The following SV2C variants were observed in gnomAD, a reference collection of about 807,000 sequenced individuals.
The protein encoded by SV2C is synaptic vesicle glycoprotein 2C.
Under a neutral mutation model 79.7 loss-of-function variants are expected in SV2C, and 49 were observed. The ratio of observed to expected loss-of-function variants is 0.61; its 90% confidence interval spans 0.49 to 0.78. SV2C has a LOEUF of 0.78. Among genes scored for constraint, SV2C ranks in the 30% least tolerant of loss-of-function variants. The probability of loss-of-function intolerance (pLI) is 0.00; values close to 1 mark genes in which losing one functional copy is unlikely to be tolerated. For missense variants in SV2C, 833 were observed against 912.9 expected, an observed-to-expected ratio of 0.91 and a Z score of 1.13; for synonymous variants, 334 against 333.2, an observed-to-expected ratio of 1.00 and a Z score of -0.03.
chr5:75,855,088 A>G, the SV2C span, among the ~76,000 whole-genome samples: 2 of 152,130 alleles, frequency 1.3e-5, no homozygotes, highest in Non-Finnish European at 1.5e-5. Context: ...CTTTTAAAAC[A>G]TGGACTATTC....
chr5:76,105,395 T>G (rs1341835719), intron 1 of SV2C, among the ~76,000 whole-genome samples: 2 of 152,140 alleles, frequency 1.3e-5, no homozygotes, highest in African/African-American at 4.8e-5. Context: ...CATAGCCCTC[T>G]CACAGACACA....
In SV2C at chr5:76,331,569, TGACCC is replaced by T. The variant is rs1170127219; in HGVS notation, c.*6023_*6027del. 2.0e-5 allele frequency: 3 copies of T among 152,250 alleles called. No individual in the cohort carries two copies. The highest frequency in any genetic ancestry group is 4.4e-5 in the Non-Finnish European group (3 of 68,108). 9.4% of individuals were successfully genotyped at this position (152,250 alleles called of 1,614,324 possible). ...AGAGCAGAAAGAGGGTAGTTGTCAG[TGACCC>T]TCTACCCTCCTCTGAGAGCCCCATT... On this transcript the variant is annotated 3_prime_UTR_variant, in exon 13 of 13. Coordinates refer to ENST00000502798, the MANE Select transcript of SV2C (RefSeq NM_014979.4).
At chr5:76,324,983 A>G (rs939699544) in intron 12 of SV2C, among the ~76,000 whole-genome samples, 4 of 152,308 alleles carry the variant, frequency 2.6e-5, no homozygotes, top group South Asian at 4.1e-4. Flanking sequence ...TTACTATGCC[A>G]CTGCACTCCA....
At chr5:76,088,490 C>G (rs1747272263) in intron 1 of SV2C, among the ~76,000 whole-genome samples, 1 of 152,114 alleles carries the variant, frequency 6.6e-6, no homozygotes, top group Admixed American at 6.5e-5. Flanking sequence ...TCATAGATGT[C>G]CTCACACGGA....
chr5:76,170,684 TTAATC>T (rs1372410204), intron 2 of SV2C, among the ~76,000 whole-genome samples: 3 of 149,726 alleles, frequency 2.0e-5, no homozygotes, highest in Non-Finnish European at 3.0e-5. Flanking sequence ...GGCAACGTCT[TTAATC>T]TAAGACATTA....
chr5:76,261,464 A>G (rs567065338), intron 4 of SV2C, among the ~76,000 whole-genome samples: 4 of 152,192 alleles, frequency 2.6e-5, no homozygotes. Context: ...TTCTGGCCAG[A>G]ACTTCCAATT....
At chr5:75,890,915 G>T in the SV2C span, among the ~76,000 whole-genome samples, 665 of 152,046 alleles carry the variant, frequency 4.4e-3, 9 homozygotes, top group African/African-American at 0.014. Flanking sequence ...TTTGTTTCTG[G>T]TTGGCTGTAT....
chr5:76,254,206 GTA>G (rs1272142588), intron 4 of SV2C, among the ~76,000 whole-genome samples: 58 of 147,102 alleles, frequency 3.9e-4, no homozygotes, highest in African/African-American at 1.2e-3. Flanking sequence ...ATATATGTGT[GTA>G]TATATATGTG....
chr5:75,914,720 T>C, the SV2C span, among the ~76,000 whole-genome samples: 1 of 152,246 alleles, frequency 6.6e-6, no homozygotes, highest in Non-Finnish European at 1.5e-5. Context: ...AATTGATCTA[T>C]CTTATAATGA....
At chr5:75,992,439 T>A in the SV2C span, among the ~76,000 whole-genome samples, 1 of 152,090 alleles carries the variant, frequency 6.6e-6, no homozygotes, top group African/African-American at 2.4e-5. Flanking sequence ...GTCCCCAACA[T>A]GATTCAAATT....
chr5:76,036,510 G>A, the SV2C span, among the ~76,000 whole-genome samples: 3 of 151,890 alleles, frequency 2.0e-5, no homozygotes, highest in Non-Finnish European at 1.5e-5. Context: ...ATGAAGCTTA[G>A]TTTGGCTGGA....
At chr5:75,875,469 A>G in the SV2C span, among the ~76,000 whole-genome samples, 1 of 152,232 alleles carries the variant, frequency 6.6e-6, no homozygotes, top group Non-Finnish European at 1.5e-5. Flanking sequence ...ACCCAAAAGT[A>G]TAAAAACCTT....
intron 1 of SV2C, among the ~76,000 whole-genome samples, chr5:76,084,826 G>C (rs994793940): frequency 3.9e-5 from 6 of 151,914 alleles, no homozygotes; most frequent in Admixed American, 2.6e-4. Flanking sequence ...GGGGCAGAGG[G>C]GGGCGGGAGG....
chr5:75,880,111 CA>C, the SV2C span, among the ~76,000 whole-genome samples: 2 of 152,144 alleles, frequency 1.3e-5, no homozygotes, highest in Non-Finnish European at 2.9e-5. Flanking sequence ...CCCATGAAAC[CA>C]TTCTTTCCCC....
At chr5:75,874,317 C>A in the SV2C span, among the ~76,000 whole-genome samples, 1 of 152,148 alleles carries the variant, frequency 6.6e-6, no homozygotes, top group Non-Finnish European at 1.5e-5. Flanking sequence ...ACATGATTAT[C>A]TCAATAGACA....
the SV2C span, among the ~76,000 whole-genome samples, chr5:76,078,067 C>T: frequency 5.9e-5 from 9 of 152,144 alleles, no homozygotes; most frequent in Non-Finnish European, 1.3e-4. Flanking sequence ...GCATGCTAGC[C>T]ACATCTAAGA....
the SV2C span, among the ~76,000 whole-genome samples, chr5:75,934,298 C>CTTTCTT: frequency 1.1e-5 from 1 of 87,586 alleles, no homozygotes; most frequent in South Asian, 3.5e-4. Flanking sequence ...TTTTTTCTTT[C>CTTTCTT]TTTCTTTTTT....
At chr5:76,260,294 A>AT (rs975628541) in intron 4 of SV2C, among the ~76,000 whole-genome samples, 1 of 151,638 alleles carries the variant, frequency 6.6e-6, no homozygotes, top group South Asian at 2.1e-4. Context: ...GAGGTCGTTT[A>AT]TTTTTTTCTT....
At chr5:76,242,408 T>C in intron 4 of SV2C, 1 of 683,316 alleles carries the variant, frequency 1.5e-6, no homozygotes, top group Non-Finnish European at 2.6e-6. Flanking sequence ...TGCTCCGGTC[T>C]CAATCTCTTG....
Sources: allele counts gnomAD v4.1 joint callset (sites outside exome capture counted in the v4.1 genomes callset), GRCh38; gene constraint gnomAD v4.1.1; transcripts MANE v1.5; gene names NCBI Gene and HGNC (gene_info 2026-07-23, HGNC 2026-07-21).